The following RBFOX1 variants were observed in gnomAD, a reference collection of about 807,000 sequenced individuals.
RBFOX1 encodes the protein RNA binding protein fox-1 homolog 1.
Under a neutral mutation model 57.7 loss-of-function variants are expected in RBFOX1, and 8 were observed. That is an observed-to-expected ratio of 0.14 (90% CI 0.08 to 0.25). The LOEUF (loss-of-function observed/expected upper bound fraction) is 0.25, where lower values mean the gene tolerates loss of function less well. Ranked by LOEUF, RBFOX1 falls within the 10% of genes least tolerant of loss-of-function variation. The pLI is 1.00. For missense variants in RBFOX1, 611 were observed against 548.5 expected (o/e 1.11, Z -1.14); for synonymous variants, 326 against 222.4 (o/e 1.47, Z -4.15).
At chr16:6,917,767 G>C (rs1003147410) in intron 3 of RBFOX1, among the ~76,000 whole-genome samples, 7 of 152,176 alleles carry the variant, frequency 4.6e-5, no homozygotes, top group Admixed American at 6.5e-5. Context: ...CTCAGGGCTT[G>C]TTCTCCTCCT....
At chr16:7,104,474 A>C (rs1326265380) in intron 4 of RBFOX1, among the ~76,000 whole-genome samples, 1 of 152,182 alleles carries the variant, frequency 6.6e-6, no homozygotes, top group Non-Finnish European at 1.5e-5. Context: ...ACAAGGAAAG[A>C]GTAAAATTTA....
At chr16:6,122,476 C>T (rs532608961) in intron 1 of RBFOX1, among the ~76,000 whole-genome samples, 3 of 152,140 alleles carry the variant, frequency 2.0e-5, no homozygotes, top group African/African-American at 7.2e-5. Flanking sequence ...CTTTTCTTTG[C>T]TATTTTCACC....
chr16:6,808,154 T>TTA (rs1360962030), intron 3 of RBFOX1, among the ~76,000 whole-genome samples: 1 of 115,500 alleles, frequency 8.7e-6, no homozygotes, highest in African/African-American at 3.8e-5. Context: ...ATATTATACC[T>TTA]TATATATGTG....
At chr16:7,625,750 G>C (rs1326215126) in intron 10 of RBFOX1, among the ~76,000 whole-genome samples, 1 of 152,116 alleles carries the variant, frequency 6.6e-6, no homozygotes, top group African/African-American at 2.4e-5. Context: ...ATACTAAAAG[G>C]GAACGGGCAG....
At chr16:5,591,819 C>A (rs1240961942) in intron 2 of RBFOX1, among the ~76,000 whole-genome samples, 1 of 152,168 alleles carries the variant, frequency 6.6e-6, no homozygotes, top group Non-Finnish European at 1.5e-5. Flanking sequence ...TACAAAAAGG[C>A]TTCCATGAAT....
At chr16:7,258,135 C>G (rs905797191) in intron 4 of RBFOX1, among the ~76,000 whole-genome samples, 5 of 152,112 alleles carry the variant, frequency 3.3e-5, no homozygotes, top group Non-Finnish European at 5.9e-5. Flanking sequence ...CCAGAGGTAC[C>G]AGCGATAATT....
At chr16:5,866,282 T>C (rs2057341756) in intron 3 of RBFOX1, among the ~76,000 whole-genome samples, 1 of 152,218 alleles carries the variant, frequency 6.6e-6, no homozygotes, top group Admixed American at 6.5e-5. Context: ...TGTCTCTTCT[T>C]TGATGGGCAC....
intron 10 of RBFOX1, among the ~76,000 whole-genome samples, chr16:7,620,971 C>A (rs186088962): frequency 2.9e-4 from 44 of 152,074 alleles, no homozygotes; most frequent in African/African-American, 1.0e-3. Flanking sequence ...CTATGTAATC[C>A]CTAGCAATTT....
intron 1 of RBFOX1, among the ~76,000 whole-genome samples, chr16:6,198,007 C>T (rs572401033): frequency 1.3e-5 from 2 of 152,154 alleles, no homozygotes; most frequent in Admixed American, 6.6e-5. Context: ...ACACATTGGA[C>T]CAAAAGGTCT....
intron 2 of RBFOX1, among the ~76,000 whole-genome samples, chr16:6,558,152 C>T (rs2097130790): frequency 1.3e-5 from 2 of 152,082 alleles, no homozygotes; most frequent in Admixed American, 1.3e-4. Flanking sequence ...ATCGGTTGCC[C>T]AGAAGCCTGG....
Position 7,514,542 on chromosome 16 carries a change from C to T in RBFOX1, c.28-3605C>T, listed in dbSNP as rs145957956. 6.1e-3 allele frequency among the ~76,000 whole-genome samples: 924 copies of T among 152,246 alleles called. 6 individuals are homozygous for T. The highest frequency in any genetic ancestry group is 0.02 in the African/African-American group (823 of 41,532). ...GTGCTGTGTGAGCTGTGGCCACCAG[C>T]TGCAGTGGAGCAGAGGGGATGGGCA... On this transcript the variant is annotated intron_variant, in intron 4 of 15. Transcript: ENST00000550418.
rs192876849 is a variant in RBFOX1 at position 5,386,820 on chromosome 16, G to T, written c.220-80396G>T. On this transcript the variant is annotated intron_variant, in intron 1 of 2. Transcript: ENST00000585867. Reference sequence around the variant, plus strand: ...AACCCCAGCACTTTGGAAGGCCAAGGTGGGCGGATCACCTGAGGTCAGGAG... The same window carrying T: ...AACCCCAGCACTTTGGAAGGCCAAGTTGGGCGGATCACCTGAGGTCAGGAG... Among the ~76,000 whole-genome samples, 38 of 152,314 alleles carry T rather than the reference G, an allele frequency of 2.5e-4. No individual in the cohort carries two copies. In the East Asian group the frequency reaches 2.9e-3, roughly 12 times the overall value.
intron 2 of RBFOX1, among the ~76,000 whole-genome samples, chr16:6,404,816 G>A (rs2093216320): frequency 6.6e-6 from 1 of 152,144 alleles, no homozygotes; most frequent in Non-Finnish European, 1.5e-5. Flanking sequence ...ATGACATGAA[G>A]CATTTTGGTG....
At chr16:7,547,976 C>T (rs1321956479) in intron 5 of RBFOX1, among the ~76,000 whole-genome samples, 1 of 152,156 alleles carries the variant, frequency 6.6e-6, no homozygotes, top group Non-Finnish European at 1.5e-5. Context: ...TTAGTAGGCC[C>T]ATCTCAGCAT....
rs145585400 is a variant in RBFOX1 at position 7,673,051 on chromosome 16, A to G, written c.931-3723A>G. On this transcript the variant is annotated intron_variant, in intron 13 of 15. Transcript: ENST00000550418. ...TATTTTCATCATAAAGGGAGCCTTT[A>G]CCCCTAGTTAAGCTGATTTACTTTC... is the stretch of plus-strand genomic sequence containing the variant. Among the ~76,000 whole-genome samples, 1,432 of 152,012 alleles carry G rather than the reference A, an allele frequency of 9.4e-3. 23 individuals carry two copies. The highest frequency in any genetic ancestry group is 0.032 in the African/African-American group (1,309 of 41,434).
chr16:7,591,579 GC>G (rs569389687), intron 7 of RBFOX1, among the ~76,000 whole-genome samples: 34 of 152,232 alleles, frequency 2.2e-4, no homozygotes, highest in African/African-American at 8.2e-4. Flanking sequence ...CCCGTTATCT[GC>G]CCTACTGATT....
intron 3 of RBFOX1, among the ~76,000 whole-genome samples, chr16:5,615,639 G>A (rs1368127639): frequency 6.6e-6 from 1 of 152,166 alleles, no homozygotes; most frequent in Non-Finnish European, 1.5e-5. Context: ...CAAAATGGAG[G>A]CCATCCTATC....
At chr16:5,260,017 A>C (rs1239628584) in intron 1 of RBFOX1, among the ~76,000 whole-genome samples, 3 of 152,218 alleles carry the variant, frequency 2.0e-5, no homozygotes, top group African/African-American at 7.2e-5. Context: ...CCTGGACGAC[A>C]TGATGAAACC....
rs148151916 is a variant in RBFOX1, at chr16:6,702,478, C to G, written c.-16+47828C>G. ...CTGAGGCAGGAGAATTGCTTGAGCC[C>G]GGGAGGCAGAGGCTACAGTGAGCCA... On this transcript the variant is annotated intron_variant, in intron 3 of 15. Coordinates refer to ENST00000550418, the MANE Select transcript of RBFOX1 (RefSeq NM_018723.4). 7.9e-5 allele frequency among the ~76,000 whole-genome samples: 12 copies of G among 152,026 alleles called. No individual in the cohort carries two copies. The South Asian group carries it at 1.2e-3, about 16-fold the overall frequency.
Sources: allele counts gnomAD v4.1 joint callset (sites outside exome capture counted in the v4.1 genomes callset), GRCh38; gene constraint gnomAD v4.1.1; transcripts MANE v1.5; gene names NCBI Gene and HGNC (gene_info 2026-07-23, HGNC 2026-07-21).